The following FAM107B variants were observed in gnomAD, a reference collection of about 807,000 sequenced individuals.
The protein encoded by FAM107B is protein FAM107B.
FAM107B carries 21 observed loss-of-function variants against 31.5 expected under a neutral mutation model. The ratio of observed to expected loss-of-function variants is 0.67; its 90% CI spans 0.47 to 0.96. FAM107B has a LOEUF of 0.96. Ranked by LOEUF, FAM107B falls within the 40% of genes least tolerant of loss-of-function variation. The pLI, the probability that FAM107B is intolerant of heterozygous loss-of-function variation, is 0.00. For synonymous variants in FAM107B, 157 were observed against 141.5 expected, an observed-to-expected ratio of 1.11 and a Z score of -0.78; for missense variants, 452 against 377.1, an observed-to-expected ratio of 1.20 and a Z score of -1.64.
intron 1 of FAM107B, among the ~76,000 whole-genome samples, chr10:14,696,417 C>G (rs1855266612): frequency 6.6e-6 from 1 of 152,080 alleles, no homozygotes; most frequent in Non-Finnish European, 1.5e-5. Flanking sequence ...ATTTTTGCAT[C>G]AGTATTCATC....
intron 2 of FAM107B, among the ~76,000 whole-genome samples, chr10:14,541,671 C>T (rs2130967217): frequency 6.6e-6 from 1 of 152,322 alleles, no homozygotes; most frequent in Non-Finnish European, 1.5e-5. Context: ...CCCACGTTTC[C>T]ACACTGTCTC....
chr10:14,774,865 C>A lies in FAM107B; in HGVS notation c.-202G>T. On this transcript the variant is annotated 5_prime_UTR_variant, in exon 1 of 5. Coordinates refer to ENST00000181796, the MANE Select transcript of FAM107B (RefSeq NM_031453.4). ...GCCGCTGGGGCCCCTTTGAAAGTGT[C>A]CATCCTGGGCAATTTCGCGCTCTTC... 2 of 595,570 alleles carry A rather than the reference C, an allele frequency of 3.4e-6. 1 individual carries two copies. Among genetic ancestry groups the A allele is most frequent in the South Asian group, 4.3e-5 (2 of 46,962 alleles). The allele number at this position is 595,570 out of a possible 1,614,324, so 36.9% of individuals were successfully genotyped here.
chr10:14,667,477 C>T (rs1018088863), intron 2 of FAM107B, among the ~76,000 whole-genome samples, 157 bp downstream of exon 2: 8 of 152,218 alleles, frequency 5.3e-5, no homozygotes, highest in Admixed American at 6.5e-5. Flanking sequence ...GTCCAGATGT[C>T]GTGCCTGGAA....
intron 2 of FAM107B, among the ~76,000 whole-genome samples, chr10:14,650,802 AGTC>A (rs1202865113): frequency 6.6e-6 from 1 of 152,244 alleles, no homozygotes; most frequent in African/African-American, 2.4e-5. Flanking sequence ...AATTTCAAGA[AGTC>A]GTATATGCTC....
chr10:14,539,556 GA>G (rs1164225516), intron 2 of FAM107B, among the ~76,000 whole-genome samples: 2 of 151,990 alleles, frequency 1.3e-5, no homozygotes, highest in Non-Finnish European at 2.9e-5. Flanking sequence ...AACAAACTTA[GA>G]AAAGACTGAA....
At chr10:14,536,559 T>G (rs1847632417) in intron 2 of FAM107B, among the ~76,000 whole-genome samples, 1 of 152,156 alleles carries the variant, frequency 6.6e-6, no homozygotes, top group Admixed American at 6.5e-5. Context: ...GAGCCTGAGT[T>G]CCGGTAAGAA....
chr10:14,767,085 G>GAGAGAGAC (rs1833193974), intron 1 of FAM107B, among the ~76,000 whole-genome samples: 1 of 109,378 alleles, frequency 9.1e-6, no homozygotes. Flanking sequence ...GAGAGAGAGA[G>GAGAGAGAC]AGAGAGAGAG....
intron 2 of FAM107B, among the ~76,000 whole-genome samples, chr10:14,542,905 G>C (rs941766445): frequency 1.3e-5 from 2 of 152,202 alleles, no homozygotes; most frequent in African/African-American, 4.8e-5. Context: ...ACACTGGCTT[G>C]CATAAATATT....
At chr10:14,693,444 C>T (rs1855191889) in intron 1 of FAM107B, among the ~76,000 whole-genome samples, 1 of 149,978 alleles carries the variant, frequency 6.7e-6, no homozygotes, top group Non-Finnish European at 1.5e-5. Context: ...TGCCACTGCA[C>T]TCCAGCCTCG....
intron 2 of FAM107B, among the ~76,000 whole-genome samples, chr10:14,589,431 T>C (rs1278755419): frequency 6.6e-6 from 1 of 152,224 alleles, no homozygotes; most frequent in African/African-American, 2.4e-5. Flanking sequence ...CCACTGACTA[T>C]ATCTGCAATA....
At chr10:14,558,186 T>C (rs1849867199) in intron 2 of FAM107B, among the ~76,000 whole-genome samples, 1 of 136,266 alleles carries the variant, frequency 7.3e-6, no homozygotes, top group South Asian at 2.2e-4. Context: ...CCAGTGTGTG[T>C]GTGCACACAC....
chr10:14,742,651 G>T (rs989229785), intron 1 of FAM107B, among the ~76,000 whole-genome samples: 1 of 152,166 alleles, frequency 6.6e-6, no homozygotes, highest in South Asian at 2.1e-4. Context: ...ACAGTGGATT[G>T]CATGCATTCA....
chr10:14,610,793 A>G (rs1009281743), intron 2 of FAM107B, among the ~76,000 whole-genome samples: 1 of 152,264 alleles, frequency 6.6e-6, no homozygotes, highest in African/African-American at 2.4e-5. Flanking sequence ...TATCCACTAC[A>G]AAAGCATTTT....
intron 3 of FAM107B, chr10:14,528,174 G>GTTTTTTTTT (rs34584902): frequency 1.9e-4 from 13 of 67,762 alleles, no homozygotes; most frequent in African/African-American, 5.2e-4. Flanking sequence ...TTAAGTTTTG[G>GTTTTTTTTT]TTTTTTTTTT....
intron 1 of FAM107B, among the ~76,000 whole-genome samples, chr10:14,755,136 G>T (rs1832902478): frequency 6.6e-6 from 1 of 152,200 alleles, no homozygotes; most frequent in South Asian, 2.1e-4. Flanking sequence ...CATAAACATA[G>T]TAGTTTCATG....
chr10:14,527,097 A>G (rs572091044), intron 3 of FAM107B, among the ~76,000 whole-genome samples: 24 of 152,126 alleles, frequency 1.6e-4, no homozygotes, highest in African/African-American at 5.8e-4. Context: ...TCGGCCTCCC[A>G]AAGTGCTGGG....
At chr10:14,693,470 C>T (rs1050004080) in intron 1 of FAM107B, among the ~76,000 whole-genome samples, 4 of 128,638 alleles carry the variant, frequency 3.1e-5, no homozygotes, top group African/African-American at 8.7e-5. Flanking sequence ...AGAGTGACAC[C>T]GTCTCAAAAA....
At chr10:14,641,147 A>C (rs1196720450) in intron 2 of FAM107B, among the ~76,000 whole-genome samples, 2 of 152,260 alleles carry the variant, frequency 1.3e-5, no homozygotes, top group African/African-American at 4.8e-5. Context: ...TTGATCATCA[A>C]CAAAGCCCTA....
At chr10:14,769,131 C>T (rs2131598912) in intron 1 of FAM107B, among the ~76,000 whole-genome samples, 1 of 152,320 alleles carries the variant, frequency 6.6e-6, no homozygotes, top group Admixed American at 6.5e-5. Flanking sequence ...CTGCTGTATC[C>T]AGCAACACAG....
Sources: gnomAD v4.1 joint callset for allele counts (sites outside exome capture counted in the v4.1 genomes callset) on GRCh38, gnomAD v4.1.1 for gene constraint, MANE v1.5 for transcripts, NCBI Gene and HGNC (gene_info 2026-07-23, HGNC 2026-07-21) for gene names.